The following P2RY8 variants were observed in gnomAD, a reference collection of about 807,000 sequenced individuals.
P2RY8 encodes P2Y receptor family member 8.
P2RY8 carries 6 observed loss-of-function variants against 10.0 expected under a neutral mutation model. The observed-to-expected ratio is 0.60, with a 90% CI of 0.33 to 1.19. The LOEUF (loss-of-function observed/expected upper bound fraction) is 1.19. P2RY8 is among the 50% of genes most tolerant of loss of function. The pLI, the probability that P2RY8 is intolerant of heterozygous loss-of-function variation, is 0.04. For missense variants in P2RY8, 456 were observed against 542.0 expected, an observed-to-expected ratio of 0.84 and a Z score of 1.58; for synonymous variants, 276 against 252.5, an observed-to-expected ratio of 1.09 and a Z score of -0.88.
intron 1 of P2RY8, among the ~76,000 whole-genome samples, chrX:1,508,083 G>A (rs1421766784): frequency 8.5e-5 from 13 of 152,268 alleles, no homozygotes; most frequent in Non-Finnish European, 4.4e-5. Flanking sequence ...GTGGGTTTGG[G>A]GGAAAAATCC....
At chrX:1,507,480 A>C (rs1373059543) in intron 1 of P2RY8, among the ~76,000 whole-genome samples, 1 of 152,190 alleles carries the variant, frequency 6.6e-6, no homozygotes, top group African/African-American at 2.4e-5. Context: ...TCACTGAGCC[A>C]GAAAAGCTGT....
intron 1 of P2RY8, among the ~76,000 whole-genome samples, chrX:1,534,106 A>AATATATTTACATATATTATATATTTAT (rs1265261999): frequency 3.9e-5 from 5 of 129,386 alleles, no homozygotes; most frequent in African/African-American, 1.2e-4. Flanking sequence ...ATTTATATAT[A>AATATATTTACATATATTATATATTTAT]ATATATTTAC....
intron 1 of P2RY8, among the ~76,000 whole-genome samples, chrX:1,477,549 A>AATC (rs1376643037): frequency 4.8e-5 from 5 of 104,404 alleles, no homozygotes; most frequent in African/African-American, 2.0e-4. Flanking sequence ...CGTGTTCATC[A>AATC]ATCTATCAAT....
At chrX:1,519,599 T>C (rs1449076987) in intron 1 of P2RY8, among the ~76,000 whole-genome samples, 8 of 151,950 alleles carry the variant, frequency 5.3e-5, no homozygotes, top group Admixed American at 5.3e-4. Context: ...ATATTGTCTC[T>C]AATCCCCAAT....
Position 1,500,009 on chromosome X carries a change from C to T in P2RY8, c.-24-33427G>A, listed in dbSNP as rs1319807116. ...GAGTAGCTGGGACTACAGGCGTGTA[C>T]CACCATGCCCAGCTAATTTTTTGTA... On this transcript the variant is annotated intron_variant, in intron 1 of 1. Coordinates refer to ENST00000381297, the MANE Select transcript of P2RY8 (RefSeq NM_178129.5). 5.5e-5 allele frequency among the ~76,000 whole-genome samples: 4 copies of T among 72,350 alleles called. 1 individual carries two copies. Among genetic ancestry groups the T allele is most frequent in the African/African-American group, 1.2e-4 (4 of 33,974 alleles). The allele number at this position is 72,350 out of a possible 152,430, so 47.5% of individuals were successfully genotyped here. A position where few individuals can be genotyped will look rare whatever the true frequency, so the allele number is the denominator to read the frequency against.
chrX:1,535,439 C>T (rs2092516940), intron 1 of P2RY8, among the ~76,000 whole-genome samples: 2 of 151,642 alleles, frequency 1.3e-5, no homozygotes, highest in Admixed American at 6.6e-5. Context: ...CCACCCACCT[C>T]GGCCTCCCAA....
At chrX:1,477,751 G>A (rs2091891550) in intron 1 of P2RY8, among the ~76,000 whole-genome samples, 1 of 152,162 alleles carries the variant, frequency 6.6e-6, no homozygotes, top group Admixed American at 6.5e-5. Flanking sequence ...TGCTAAGGCT[G>A]AGAAACCTGC....
At chrX:1,502,088 A>T (rs28490227) in intron 1 of P2RY8, among the ~76,000 whole-genome samples, 29,583 of 151,130 alleles carry the variant, frequency 0.2, 2,965 homozygotes, top group South Asian at 0.34. Context: ...TTTTTGTATT[A>T]TTAGTAGACA....
intron 1 of P2RY8, among the ~76,000 whole-genome samples, chrX:1,524,793 T>G (rs868074648): frequency 3.0e-5 from 1 of 33,652 alleles, no homozygotes; most frequent in South Asian, 1.1e-3. Context: ...ACTCATCCAT[T>G]CATCCATCCA....
chrX:1,524,890 T>TCCATCC (rs2092429495), intron 1 of P2RY8, among the ~76,000 whole-genome samples: 6 of 110,798 alleles, frequency 5.4e-5, no homozygotes, highest in African/African-American at 6.2e-5. Context: ...TCCATCCATC[T>TCCATCC]ATCCATCCAT....
intron 1 of P2RY8, among the ~76,000 whole-genome samples, chrX:1,520,347 AT>A (rs2092381850): frequency 6.6e-6 from 1 of 150,382 alleles, no homozygotes. Flanking sequence ...CTTAACCCCA[AT>A]AATGTCCCTG....
chrX:1,481,063 A>G (rs1249081731), intron 1 of P2RY8, among the ~76,000 whole-genome samples: 4 of 151,994 alleles, frequency 2.6e-5, no homozygotes, highest in Non-Finnish European at 4.4e-5. Flanking sequence ...GGTGACTAAG[A>G]TCTAGAGATA....
intron 1 of P2RY8, among the ~76,000 whole-genome samples, chrX:1,512,024 G>A (rs1421682181): frequency 6.6e-6 from 1 of 152,040 alleles, no homozygotes; most frequent in Non-Finnish European, 1.5e-5. Context: ...TTGGTCCAGG[G>A]CTCATCACAC....
At chrX:1,505,511 A>G (rs191703347) in intron 1 of P2RY8, among the ~76,000 whole-genome samples, 132 of 152,260 alleles carry the variant, frequency 8.7e-4, no homozygotes, top group African/African-American at 3.0e-3. Flanking sequence ...ATTTCAGAAT[A>G]TTATCCACTA....
chrX:1,493,424 GGAGGAGGGAGGGAAGGA>G (rs2092081317), intron 1 of P2RY8, among the ~76,000 whole-genome samples: 1 of 19,626 alleles, frequency 5.1e-5, no homozygotes, highest in Non-Finnish European at 1.8e-4. Context: ...GAAGGAGGAA[GGAGGAGGGAGGGAAGGA>G]GGAGGAAGGA....
intron 1 of P2RY8, among the ~76,000 whole-genome samples, chrX:1,531,053 T>TCTAC (rs1165619538): frequency 3.2e-5 from 4 of 124,508 alleles, no homozygotes; most frequent in African/African-American, 6.2e-5. Flanking sequence ...ATTCTATCTA[T>TCTAC]CTGTCTGTCT....
chrX:1,482,874 A>C (rs1233983302), intron 1 of P2RY8, among the ~76,000 whole-genome samples: 1 of 150,820 alleles, frequency 6.6e-6, no homozygotes, highest in African/African-American at 2.4e-5. Flanking sequence ...GTTCTCACTC[A>C]TAGGTGGGAA....
rs2091636924 is a variant in P2RY8 at position 1,464,613 on chromosome X, C to T, written c.*866G>A. 8.6e-6 allele frequency: 2 copies of T among 233,292 alleles called. No homozygotes were observed. The highest frequency in any genetic ancestry group is 4.4e-5 in the African/African-American group (2 of 45,334). 14.5% of individuals were successfully genotyped at this position (233,292 alleles called of 1,614,324 possible). A position where few individuals can be genotyped will look rare whatever the true frequency, so the allele number is the denominator to read the frequency against. Reference sequence around the variant, plus strand: ...CCCATCTCACGGAGCCTCCTTTCCGCACCTGGGCCTCCCGTGGTCCTTGTC... The same window carrying T: ...CCCATCTCACGGAGCCTCCTTTCCGTACCTGGGCCTCCCGTGGTCCTTGTC... On this transcript the variant is annotated 3_prime_UTR_variant, in exon 2 of 2. Coordinates refer to ENST00000381297, the MANE Select transcript of P2RY8 (RefSeq NM_178129.5).
intron 1 of P2RY8, among the ~76,000 whole-genome samples, chrX:1,533,898 T>C (rs2149418361): frequency 8.1e-6 from 1 of 123,116 alleles, no homozygotes; most frequent in South Asian, 2.6e-4. Context: ...TATACTTATA[T>C]ATGTATTATT....
Sources: gnomAD v4.1 joint callset for allele counts (sites outside exome capture counted in the v4.1 genomes callset) on GRCh38, gnomAD v4.1.1 for gene constraint, MANE v1.5 for transcripts, NCBI Gene and HGNC (gene_info 2026-07-23, HGNC 2026-07-21) for gene names.